DCTN1: variants seen among roughly 807,000 people sequenced by gnomAD.
DCTN1 encodes dynactin subunit 1, also known as 150 kDa dynein-associated polypeptide.
DCTN1 carries 61 observed loss-of-function variants against 161.2 expected under a neutral mutation model. That is an observed-to-expected ratio of 0.38 (90% confidence interval 0.31 to 0.47). DCTN1 has a LOEUF of 0.47. Among genes scored for constraint, DCTN1 ranks in the 20% least tolerant of loss-of-function variants. DCTN1 has a pLI of 0.99. For synonymous variants in DCTN1, 653 were observed against 632.4 expected (o/e 1.03, Z -0.49); for missense variants, 1,404 against 1,623.7 (o/e 0.86, Z 2.33).
In DCTN1 at chr2:74,362,692, CACTTGCTCCATAAGTTGGGCCG is replaced by C; in HGVS notation, c.3545_3566del (p.Ser1182TrpfsTer7). On this transcript the variant is annotated frameshift_variant, in exon 30 of 32. Transcript: ENST00000628224. LOFTEE classifies it high-confidence loss of function. ...TGTCACTCAGGGACTTAAGCTGAGC[CACTTGCTCCATAAGTTGGGCCG>C]ACGGGCTCTTGGCAGCTGTGGGGAG... 2 of 1,614,036 alleles carry C rather than the reference CACTTGCTCCATAAGTTGGGCCG, an allele frequency of 1.2e-6. No homozygotes were observed. The highest frequency in any genetic ancestry group is 1.7e-6 in the Non-Finnish European group (2 of 1,179,994).
chr2:74,376,523 G>GA (rs1675234182), intron 5 of DCTN1, among the ~76,000 whole-genome samples: 1 of 152,226 alleles, frequency 6.6e-6, no homozygotes, highest in Non-Finnish European at 1.5e-5. Flanking sequence ...TCCTGGGGCA[G>GA]AGAGAATCAT....
Position 74,372,340 on chromosome 2 carries a change from T to TC in DCTN1, c.453+587dup, listed in dbSNP as rs372095181. 8.0e-4 allele frequency among the ~76,000 whole-genome samples: 121 copies of TC among 152,030 alleles called. 1 individual carries two copies. The highest frequency in any genetic ancestry group is 2.7e-3 in the African/African-American group (112 of 41,462). ...CAAGGTGAAAGTTGTACCCCTAGAC[T>TC]CCCCCTTGAAACAACTCTTCGTCAT... On this transcript the variant is annotated intron_variant, in intron 7 of 31. Transcript: ENST00000628224.
chr2:74,367,566 G>A (rs924409444), intron 18 of DCTN1, 130 bp downstream of exon 18: 13 of 1,494,030 alleles, frequency 8.7e-6, no homozygotes, highest in African/African-American at 2.8e-5. Context: ...CATATGGAGA[G>A]TTCATCTAAG....
rs1443517650 is a variant in DCTN1 at position 74,371,257 on chromosome 2, A to C, written c.646-81T>G. On this transcript the variant is annotated intron_variant, in intron 8 of 31. Transcript: ENST00000628224. ...ACTGAGCTGGCGCAAAGAACACAAG[A>C]AAGTGTGCAAACATCACCCAGCCCC... 2.5e-6 allele frequency: 4 copies of C among 1,605,630 alleles called. No individual in the cohort carries two copies. The African/African-American group carries it at 5.3e-5, about 21-fold the overall frequency.
intron 29 of DCTN1, 65 bp from the exon 30 acceptor site, chr2:74,362,794 G>A (rs913363744): frequency 2.0e-6 from 3 of 1,509,346 alleles, no homozygotes; most frequent in African/African-American, 1.4e-5. Context: ...TGGATTAAGG[G>A]TTAGGGGTGC....
chr2:74,363,331 T>A lies in DCTN1; in HGVS notation c.3308A>T (p.His1103Leu). The A allele has an allele frequency of 6.2e-7, 1 of 1,613,510 alleles. No individual in the cohort carries two copies. Among genetic ancestry groups the A allele is most frequent in the Non-Finnish European group, 8.5e-7 (1 of 1,179,758 alleles). ...LLQQISAMRL[H>L]ISQLQHENSI... ...GTTCTCATGCTGGAGCTGGGAGATG[T>A]GCAGCCTCATGGCAGAGATCTGCTG... is the stretch of plus-strand genomic sequence containing the variant. Residue 1103 changes from histidine (H) to leucine (L), a missense_variant, in exon 28 of 32, where the codon CAC (histidine) becomes CTC (leucine). His to Leu is a moderately conservative substitution (Grantham distance 99). Around this residue, in one of 9 missense-constraint regions of DCTN1, gnomAD observed 311 missense variants for 298.9 expected, o/e 1.04. Transcript: ENST00000628224.
chr2:74,367,564 G>C, intron 18 of DCTN1, 132 bp downstream of exon 18: 5 of 1,486,264 alleles, frequency 3.4e-6, no homozygotes. Flanking sequence ...ATCATATGGA[G>C]AGTTCATCTA....
At chr2:74,382,469 G>A (rs1452956290), upstream of DCTN1, among the ~76,000 whole-genome samples, 3 of 151,634 alleles carry the variant, frequency 2.0e-5, no homozygotes, top group Non-Finnish European at 4.4e-5. Context: ...GTGTGGTGGC[G>A]CATACCTATA....
At chr2:74,387,364 A>C (rs946325205) in intron 1 of DCTN1, among the ~76,000 whole-genome samples, 1 of 151,998 alleles carries the variant, frequency 6.6e-6, no homozygotes, top group East Asian at 1.9e-4. Flanking sequence ...CACAACTTCA[A>C]CTACCACTCA....
intron 26 of DCTN1, chr2:74,364,414 T>G: frequency 6.3e-6 from 1 of 159,624 alleles, no homozygotes; most frequent in Non-Finnish European, 1.4e-5. Context: ...GGTGAGAAGG[T>G]TAAGTGAGAA....
At chr2:74,377,974 C>G (rs753786092) in intron 2 of DCTN1, 26 bp downstream of exon 2, 4 of 1,613,614 alleles carry the variant, frequency 2.5e-6, no homozygotes, top group South Asian at 1.1e-5. Context: ...CACACATGCA[C>G]AGACACAAAA....
chr2:74,366,907 G>C lies in DCTN1; in HGVS notation c.2342C>G (p.Ala781Gly). The C allele has an allele frequency of 6.2e-7, 1 of 1,614,210 alleles. No individual in the cohort carries two copies. The highest frequency in any genetic ancestry group is 8.5e-7 in the Non-Finnish European group (1 of 1,180,040). The change falls in exon 21 of 32, where the codon GCC (alanine) becomes GGC (glycine). Residue 781 changes from alanine (A) to glycine (G), a missense_variant. Transcript: ENST00000628224. Reference sequence around the variant, plus strand: ...AGTTTCCAGATCCCGGAGCAGGAGGGCAATATCTGTAGCCTCCTGCCCACC... The same window carrying C: ...AGTTTCCAGATCCCGGAGCAGGAGGCCAATATCTGTAGCCTCCTGCCCACC... ...LQGGQEATDI[A>G]LLLRDLETSC...
Position 74,377,705 on chromosome 2 carries a change from C to T in DCTN1, c.301G>A (p.Ala101Thr). 1 of 1,613,888 alleles carries T rather than the reference C, an allele frequency of 6.2e-7. No homozygotes were observed. Among genetic ancestry groups the T allele is most frequent in the South Asian group, 1.1e-5 (1 of 91,086 alleles). Residue 101 changes from alanine to threonine, a missense_variant, in exon 3 of 32, where the codon GCA (alanine) becomes ACA (threonine). Physicochemically the swap from Ala to Thr is moderately conservative, Grantham distance 58. This residue lies in a region of DCTN1 where 174 missense variants were observed against 175.6 expected (regional missense o/e 0.99). Coordinates refer to ENST00000628224, the MANE Select transcript of DCTN1 (RefSeq NM_004082.5). ...QSQIQVFEDG[A>T]DTTSPETPDS... ...GGTGTCTCTGGGGAAGTAGTATCTG[C>T]TCCATCTTCAAATACCTGGATCTGA...
In DCTN1 at chr2:74,367,709, A is replaced by G. The variant is rs1674526653; in HGVS notation, c.2171T>C (p.Ile724Thr). 1 of 1,614,146 alleles carries G rather than the reference A, an allele frequency of 6.2e-7. No individual in the cohort carries two copies. Among genetic ancestry groups the G allele is most frequent in the South Asian group, 1.1e-5 (1 of 91,080 alleles). Residue 724 changes from isoleucine (I) to threonine (T), a missense_variant, in exon 18 of 32, where the codon ATC becomes ACC. Ile to Thr is a moderately conservative substitution (Grantham distance 89). Transcript: ENST00000628224. ...TVNVEPLTKA[I>T]KYYQHLYSIH... ...CTTGCCCCACACCTGATAGTACTTG[A>G]TGGCCTTGGTGAGAGGCTCCACATT...
In DCTN1 at chr2:74,391,258, C is replaced by T. The variant is rs1046990159; in HGVS notation, c.-19+536G>A. 2.5e-5 allele frequency: 4 copies of T among 157,506 alleles called. No homozygotes were observed. The South Asian group carries it at 5.6e-4, about 22-fold the overall frequency. The allele number at this position is 157,506 out of a possible 1,614,324, so 9.8% of individuals were successfully genotyped here. ...AATAAATGACGGTAAGTTTTCAAATCCCTGCCTCTGAAACAGCAGAGATCC... is the reference window on the plus strand; with the variant it reads ...AATAAATGACGGTAAGTTTTCAAATTCCTGCCTCTGAAACAGCAGAGATCC... On this transcript the variant is annotated intron_variant, in intron 1 of 27. Transcript: ENST00000409240.
chr2:74,367,978 A>C lies in DCTN1; in HGVS notation c.2008T>G (p.Tyr670Asp). 1 of 1,614,200 alleles carries C rather than the reference A, an allele frequency of 6.2e-7. No homozygotes were observed. The highest frequency in any genetic ancestry group is 2.2e-5 in the East Asian group (1 of 44,880). Residue 670 changes from tyrosine to aspartate, a missense_variant, in exon 17 of 32, where the codon TAT becomes GAT. Transcript: ENST00000628224. ...LSLLQATLHR[Y>D]EHALSQCSVD... Reference sequence around the variant, plus strand: ...GAGTCAGGAGTCACTTACTGCTCATAGCGGTGTAGCGTGGCCTGCAGCAGG... The same window carrying C: ...GAGTCAGGAGTCACTTACTGCTCATCGCGGTGTAGCGTGGCCTGCAGCAGG...
chr2:74,374,231 A>C, intron 6 of DCTN1, 92 bp downstream of exon 6: 16 of 1,247,522 alleles, frequency 1.3e-5, no homozygotes, highest in Non-Finnish European at 1.7e-5. Context: ...AGGTAGACAG[A>C]TGAAGTCAAT....
At chr2:74,384,027 A>G (rs529065004), upstream of DCTN1, among the ~76,000 whole-genome samples, 4 of 152,352 alleles carry the variant, frequency 2.6e-5, no homozygotes, top group African/African-American at 7.2e-5. Flanking sequence ...AAGTAAATGA[A>G]TAAATACACT....
intron 1 of DCTN1, chr2:74,385,611 T>C (rs1172048216): frequency 6.6e-6 from 1 of 152,192 alleles, no homozygotes; most frequent in African/African-American, 2.4e-5. Context: ...GAGCATTCCA[T>C]CCTTTCTCTT....
Sources: gnomAD v4.1 joint callset for allele counts (sites outside exome capture counted in the v4.1 genomes callset) on GRCh38, gnomAD v4.1.1 for gene constraint, gnomAD v4.1.1 regional missense constraint, MANE v1.5 for transcripts, NCBI Gene and HGNC (gene_info 2026-07-23, HGNC 2026-07-21) for gene names.